PGCKA1: variants seen among roughly 807,000 people sequenced by gnomAD.
PGCKA1 encodes PDCD10 and GCKIII kinases associated 1, also known as PDCD10 and GCKIII kinases-associated protein 1.
At chr4:37,501,160 T>C in the PGCKA1 span, among the ~76,000 whole-genome samples, 4 of 152,176 alleles carry the variant, frequency 2.6e-5, no homozygotes, top group African/African-American at 9.7e-5. Flanking sequence ...GTCATCATGA[T>C]GTCAGCCAGT....
chr4:37,569,837 C>T, the PGCKA1 span, among the ~76,000 whole-genome samples: 1 of 152,126 alleles, frequency 6.6e-6, no homozygotes, highest in Non-Finnish European at 1.5e-5. Context: ...GGGAGAAAAC[C>T]CATGAGCACT....
the PGCKA1 span, among the ~76,000 whole-genome samples, chr4:37,457,958 A>T: frequency 6.6e-6 from 1 of 152,230 alleles, no homozygotes; most frequent in African/African-American, 2.4e-5. Flanking sequence ...CAATACAGTG[A>T]AGGTGGTCTG....
chr4:37,496,075 T>G, the PGCKA1 span, among the ~76,000 whole-genome samples: 1 of 152,210 alleles, frequency 6.6e-6, no homozygotes, highest in Non-Finnish European at 1.5e-5. Flanking sequence ...GATTGTCTGC[T>G]TACTCTGCTG....
the PGCKA1 span, among the ~76,000 whole-genome samples, chr4:37,570,658 G>A: frequency 2.0e-5 from 3 of 152,180 alleles, no homozygotes; most frequent in Non-Finnish European, 2.9e-5. Flanking sequence ...GCCAGGTTAT[G>A]TGAAATCTCA....
At chr4:37,547,649 C>A in the PGCKA1 span, among the ~76,000 whole-genome samples, 1 of 152,064 alleles carries the variant, frequency 6.6e-6, no homozygotes, top group Non-Finnish European at 1.5e-5. Context: ...AGCCAAGGCA[C>A]CCAGACCAGT....
At chr4:37,461,185 T>C in the PGCKA1 span, 1 of 164,676 alleles carries the variant, frequency 6.1e-6, no homozygotes, top group South Asian at 1.5e-4. Context: ...ATATCTGTGT[T>C]GGTACCAGTA....
the PGCKA1 span, among the ~76,000 whole-genome samples, chr4:37,564,491 G>A: frequency 7.3e-6 from 1 of 137,414 alleles, no homozygotes; most frequent in Non-Finnish European, 1.6e-5. Flanking sequence ...TGATGCCAGG[G>A]GTGTCTGACT....
the PGCKA1 span, among the ~76,000 whole-genome samples, chr4:37,531,891 C>CAAAAA: frequency 5.6e-5 from 4 of 70,902 alleles, no homozygotes; most frequent in East Asian, 4.5e-4. Flanking sequence ...GAATCTGTCT[C>CAAAAA]AAAAAAAAAA....
At chr4:37,543,330 T>G in the PGCKA1 span, among the ~76,000 whole-genome samples, 1 of 152,210 alleles carries the variant, frequency 6.6e-6, no homozygotes, top group Non-Finnish European at 1.5e-5. Context: ...AGAGGAATTT[T>G]ATAACTGTGT....
At chr4:37,472,090 G>T in the PGCKA1 span, among the ~76,000 whole-genome samples, 1 of 152,154 alleles carries the variant, frequency 6.6e-6, no homozygotes, top group East Asian at 1.9e-4. Context: ...CATTCTTTCG[G>T]TTCTTGGAAA....
At chr4:37,521,107 A>C in the PGCKA1 span, among the ~76,000 whole-genome samples, 1 of 151,296 alleles carries the variant, frequency 6.6e-6, no homozygotes, top group Non-Finnish European at 1.5e-5. Flanking sequence ...CTAATTTTGG[A>C]TTTGGTTTGC....
chr4:37,583,260 C>T, the PGCKA1 span, among the ~76,000 whole-genome samples: 7 of 152,232 alleles, frequency 4.6e-5, no homozygotes, highest in East Asian at 1.4e-3. Flanking sequence ...TTCCTATATG[C>T]CCTTGACTTC....
chr4:37,544,069 A>G, the PGCKA1 span, among the ~76,000 whole-genome samples: 10,225 of 152,210 alleles, frequency 0.067, 1,135 homozygotes, highest in African/African-American at 0.23. Flanking sequence ...AGCCTGAGAA[A>G]AGATATATGG....
At chr4:37,469,356 T>C in the PGCKA1 span, among the ~76,000 whole-genome samples, 2 of 152,262 alleles carry the variant, frequency 1.3e-5, no homozygotes, top group African/African-American at 4.8e-5. Context: ...AAGCTTACAT[T>C]GTTCTTTTCG....
the PGCKA1 span, among the ~76,000 whole-genome samples, chr4:37,524,256 G>A: frequency 6.6e-6 from 1 of 152,228 alleles, no homozygotes; most frequent in African/African-American, 2.4e-5. Context: ...TAGTAAATAT[G>A]TATCAGCATT....
chr4:37,508,318 C>T, the PGCKA1 span, among the ~76,000 whole-genome samples: 1 of 152,168 alleles, frequency 6.6e-6, no homozygotes, highest in South Asian at 2.1e-4. Flanking sequence ...TTCTCTACCT[C>T]CTCTTTAGGA....
At chr4:37,459,831 TTTAA>T in the PGCKA1 span, among the ~76,000 whole-genome samples, 70 of 139,010 alleles carry the variant, frequency 5.0e-4, no homozygotes, top group Middle Eastern at 3.6e-3. Context: ...GGTTTTTTTT[TTTAA>T]TTTTATTTTA....
At chr4:37,544,297 A>G in the PGCKA1 span, among the ~76,000 whole-genome samples, 29 of 152,264 alleles carry the variant, frequency 1.9e-4, no homozygotes, top group Middle Eastern at 0.01. Context: ...TACTTCTGAA[A>G]TATCTCAGTG....
At chr4:37,547,997 T>C in the PGCKA1 span, among the ~76,000 whole-genome samples, 18 of 125,808 alleles carry the variant, frequency 1.4e-4, no homozygotes, top group African/African-American at 5.2e-4. Flanking sequence ...AAAATGGTTA[T>C]CTTCAAAAAA....
Sources: allele counts gnomAD v4.1 joint callset (sites outside exome capture counted in the v4.1 genomes callset), GRCh38; gene constraint gnomAD v4.1.1; transcripts MANE v1.5; gene names NCBI Gene and HGNC (gene_info 2026-07-23, HGNC 2026-07-21).